The following STK3 variants were observed in gnomAD, a reference collection of about 807,000 sequenced individuals.
STK3 encodes the protein serine/threonine kinase 3.
A neutral mutation model predicts 58.0 loss-of-function variants in STK3; 41 were observed. The ratio of observed to expected loss-of-function variants is 0.71; its 90% CI spans 0.55 to 0.92. The LOEUF is 0.92. Among genes scored for constraint, STK3 ranks in the 40% least tolerant of loss-of-function variants. STK3 has a pLI of 0.00. For missense variants in STK3, 479 were observed against 602.7 expected, an observed-to-expected ratio of 0.79 and a Z score of 2.15; for synonymous variants, 170 against 191.0, an observed-to-expected ratio of 0.89 and a Z score of 0.91.
At chr8:98,419,902 T>C (rs1238924263) in intron 3 of STK3, among the ~76,000 whole-genome samples, 2 of 152,254 alleles carry the variant, frequency 1.3e-5, no homozygotes, top group East Asian at 3.9e-4. Context: ...ATCGCTCAAC[T>C]TAATACAGAG....
At chr8:98,727,645 T>C (rs923425394) in intron 4 of STK3, among the ~76,000 whole-genome samples, 1 of 152,204 alleles carries the variant, frequency 6.6e-6, no homozygotes, top group Non-Finnish European at 1.5e-5. Context: ...AGATGTCTGA[T>C]CTATTTTCTA....
intron 6 of STK3, among the ~76,000 whole-genome samples, chr8:98,614,640 C>T (rs1459496962): frequency 6.6e-6 from 1 of 152,186 alleles, no homozygotes; most frequent in African/African-American, 2.4e-5. Context: ...GGCATTGCCT[C>T]ACCTGGGAAG....
At chr8:98,794,050 A>G (rs549038275) in intron 1 of STK3, among the ~76,000 whole-genome samples, 2 of 152,338 alleles carry the variant, frequency 1.3e-5, no homozygotes, top group African/African-American at 4.8e-5. Context: ...TATAAACAGG[A>G]AAGTTTACAA....
chr8:98,433,003 C>A (rs1210061202), intron 3 of STK3, among the ~76,000 whole-genome samples: 1 of 152,168 alleles, frequency 6.6e-6, no homozygotes, highest in Non-Finnish European at 1.5e-5. Context: ...ATTACATATG[C>A]AGTAGCAAAC....
intron 3 of STK3, among the ~76,000 whole-genome samples, chr8:98,762,571 G>C (rs1027284673): frequency 6.6e-6 from 1 of 152,212 alleles, no homozygotes; most frequent in Non-Finnish European, 1.5e-5. Flanking sequence ...ATTCTTTGTT[G>C]TATCTCTTGT....
At chr8:98,772,994 T>C (rs1330288664) in intron 2 of STK3, among the ~76,000 whole-genome samples, 1 of 152,226 alleles carries the variant, frequency 6.6e-6, no homozygotes, top group African/African-American at 2.4e-5. Context: ...TCTTATTTTT[T>C]AGAATTTGTA....
intron 6 of STK3, among the ~76,000 whole-genome samples, chr8:98,635,815 C>G (rs960477363): frequency 1.3e-5 from 2 of 151,930 alleles, no homozygotes; most frequent in Non-Finnish European, 2.9e-5. Context: ...TTAAATTTTA[C>G]TATGCATCAG....
chr8:98,580,748 G>T (rs1037947434), intron 7 of STK3, among the ~76,000 whole-genome samples: 20 of 152,096 alleles, frequency 1.3e-4, no homozygotes, highest in African/African-American at 4.8e-4. Context: ...TAAGTGCTGG[G>T]AATAGAGGCA....
chr8:98,619,312 A>G (rs1818047459), intron 6 of STK3, among the ~76,000 whole-genome samples: 2 of 151,686 alleles, frequency 1.3e-5, no homozygotes, highest in South Asian at 4.2e-4. Flanking sequence ...ACAAAAATCA[A>G]TTCAAGATGG....
chr8:98,860,105 T>C (rs1434547655), intron 3 of STK3, among the ~76,000 whole-genome samples: 1 of 152,252 alleles, frequency 6.6e-6, no homozygotes, highest in African/African-American at 2.4e-5. Flanking sequence ...ATTTATTTAC[T>C]ACTATGTGCG....
At chr8:98,938,459 A>G (rs577815768) in intron 1 of STK3, among the ~76,000 whole-genome samples, 40 of 152,368 alleles carry the variant, frequency 2.6e-4, no homozygotes, top group Middle Eastern at 3.4e-3. Context: ...TACTCCCTCA[A>G]GAAAAGCAAA....
chr8:98,529,252 T>C (rs1825970953), intron 9 of STK3, among the ~76,000 whole-genome samples: 1 of 151,118 alleles, frequency 6.6e-6, no homozygotes, highest in African/African-American at 2.4e-5. Context: ...AATCAGAGAG[T>C]CCGGAATTCT....
Position 98,774,824 on chromosome 8 carries a change from T to C in STK3, c.27-5A>G. 1 of 1,533,830 alleles carries C rather than the reference T, an allele frequency of 6.5e-7. No homozygotes were observed. Among genetic ancestry groups the C allele is most frequent in the Non-Finnish European group, 8.7e-7 (1 of 1,145,696 alleles). ...TCACTCAGCTTTTTTAGTTTACTGA[T>C]TTAAAAAAGAAAGAAGAAAGAAAAT... is the stretch of plus-strand genomic sequence containing the variant. On this transcript the variant is annotated splice_polypyrimidine_tract_variant and splice_region_variant and intron_variant, in intron 1 of 10. Transcript: ENST00000419617.
At chr8:98,633,809 T>C (rs1819433682) in intron 6 of STK3, 1 of 485,352 alleles carries the variant, frequency 2.1e-6, no homozygotes, top group African/African-American at 2.0e-5. Flanking sequence ...CAGACATGAA[T>C]ACATTCCCTA....
Position 98,455,357 on chromosome 8 carries a change from A to G in STK3, c.*485T>C, listed in dbSNP as rs1423705452. 6.6e-6 allele frequency: 1 copy of G among 152,640 alleles called. No homozygotes were observed. The highest frequency in any genetic ancestry group is 1.5e-5 in the Non-Finnish European group (1 of 68,444). The allele number at this position is 152,640 out of a possible 1,614,324, so 9.5% of individuals were successfully genotyped here. A position where few individuals can be genotyped will look rare whatever the true frequency, so the allele number is the denominator to read the frequency against. Reference sequence around the variant, plus strand: ...TATAAATTGGTTGCACATTATCATCATATTAATATGACCCTACCTTCACCA... The same window carrying G: ...TATAAATTGGTTGCACATTATCATCGTATTAATATGACCCTACCTTCACCA... On this transcript the variant is annotated 3_prime_UTR_variant, in exon 11 of 11. Transcript: ENST00000419617.
chr8:98,357,823 C>G, the STK3 span, among the ~76,000 whole-genome samples: 4 of 152,142 alleles, frequency 2.6e-5, no homozygotes, highest in Non-Finnish European at 5.9e-5. Flanking sequence ...AACAACACCC[C>G]CTCATCAGAC....
chr8:98,642,999 G>A (rs867885922), intron 6 of STK3, among the ~76,000 whole-genome samples: 2 of 152,172 alleles, frequency 1.3e-5, no homozygotes, highest in South Asian at 2.1e-4. Context: ...AAGGCAGAAA[G>A]ATCACTTGAG....
intron 10 of STK3, among the ~76,000 whole-genome samples, chr8:98,507,417 A>G (rs939934958): frequency 6.6e-6 from 1 of 152,226 alleles, no homozygotes; most frequent in African/African-American, 2.4e-5. Flanking sequence ...TGTTGCCTAT[A>G]TATTAAAAAG....
intron 3 of STK3, among the ~76,000 whole-genome samples, chr8:98,760,493 G>A (rs1187783542): frequency 6.6e-6 from 1 of 152,030 alleles, no homozygotes; most frequent in Non-Finnish European, 1.5e-5. Flanking sequence ...AAATTTCACT[G>A]GGTGGAAGAA....
Sources: allele counts gnomAD v4.1 joint callset (sites outside exome capture counted in the v4.1 genomes callset), GRCh38; gene constraint gnomAD v4.1.1; transcripts MANE v1.5; gene names NCBI Gene and HGNC (gene_info 2026-07-23, HGNC 2026-07-21).